The following ABCA13 variants were observed in gnomAD, a reference collection of about 807,000 sequenced individuals.
ABCA13 encodes ATP-binding cassette sub-family A member 13.
ABCA13 carries 476 observed loss-of-function variants against 478.7 expected under a neutral mutation model. The observed-to-expected ratio is 0.99, with a 90% CI of 0.92 to 1.07. The LOEUF is 1.07. Ranked by LOEUF, ABCA13 falls within the 50% of genes least tolerant of loss-of-function variation. The pLI is 0.00. For missense variants in ABCA13, 6,060 were observed against 5,910.6 expected (o/e 1.03, Z -0.83); for synonymous variants, 2,252 against 2,158.9 (o/e 1.04, Z -1.20).
intron 3 of ABCA13, among the ~76,000 whole-genome samples, chr7:48,212,658 G>A (rs979210984): frequency 1.3e-5 from 2 of 152,062 alleles, no homozygotes; most frequent in African/African-American, 4.8e-5. Flanking sequence ...TCTAATTGTA[G>A]TTTTAATTTA....
intron 15 of ABCA13, among the ~76,000 whole-genome samples, chr7:48,257,246 A>T (rs932986238): frequency 1.3e-5 from 2 of 152,140 alleles, no homozygotes; most frequent in Non-Finnish European, 2.9e-5. Flanking sequence ...GGATAAAACT[A>T]TCCCTGTTTG....
intron 60 of ABCA13, among the ~76,000 whole-genome samples, chr7:48,644,131 A>G (rs770645294): frequency 2.6e-5 from 4 of 152,320 alleles, no homozygotes; most frequent in African/African-American, 4.8e-5. Context: ...TTCATGCTCA[A>G]TTATGACTCT....
chr7:48,517,449 A>G (rs573161700), intron 52 of ABCA13, among the ~76,000 whole-genome samples: 2 of 152,176 alleles, frequency 1.3e-5, no homozygotes, highest in Non-Finnish European at 2.9e-5. Flanking sequence ...GTGGTCAGGA[A>G]GAACTTCTCC....
At chr7:48,341,994 G>T (rs915275180) in intron 29 of ABCA13, among the ~76,000 whole-genome samples, 1 of 148,242 alleles carries the variant, frequency 6.7e-6, no homozygotes, top group Non-Finnish European at 1.5e-5. Flanking sequence ...TACCTTAACT[G>T]CATCTCACTA....
At chr7:48,290,898 G>A (rs968285023) in intron 20 of ABCA13, among the ~76,000 whole-genome samples, 1 of 139,202 alleles carries the variant, frequency 7.2e-6, no homozygotes, top group Admixed American at 7.6e-5. Flanking sequence ...GAAATGCCTG[G>A]GTGAGAGAAT....
intron 23 of ABCA13, among the ~76,000 whole-genome samples, chr7:48,307,787 T>G (rs1308725782): frequency 1.3e-5 from 2 of 152,086 alleles, no homozygotes; most frequent in Non-Finnish European, 2.9e-5. Context: ...TTCAAGCAAT[T>G]CCCCTGCCTC....
At position 48,261,465 on chromosome 7, in the gene ABCA13, G is replaced by C. The variant is rs145862551; in HGVS notation, c.2006-7515G>C. On this transcript the variant is annotated intron_variant, in intron 15 of 61. Coordinates refer to ENST00000435803, the MANE Select transcript of ABCA13 (RefSeq NM_152701.5). ...TACTTCTTTGGTAATTTCAAACCCT[G>C]CCTTGTTTTTTTCTTTCTAGAACTC... is the stretch of plus-strand genomic sequence containing the variant. Among the ~76,000 whole-genome samples, 275 of 151,810 alleles carry C rather than the reference G, an allele frequency of 1.8e-3. 3 individuals are homozygous for C. Among genetic ancestry groups the C allele is most frequent in the Admixed American group, 8.9e-3 (136 of 15,216 alleles).
intron 1 of ABCA13, among the ~76,000 whole-genome samples, chr7:48,187,011 G>A (rs894514866): frequency 1.3e-4 from 18 of 140,298 alleles, no homozygotes; most frequent in African/African-American, 4.4e-4. Flanking sequence ...ATATATATAT[G>A]TGTGTGTGTA....
rs180867076 is a variant in ABCA13, at chr7:48,590,345, G to A, written c.14640+3057G>A. 1.9e-3 allele frequency among the ~76,000 whole-genome samples: 281 copies of A among 151,658 alleles called. 1 individual carries two copies. Among genetic ancestry groups the A allele is most frequent in the African/African-American group, 6.4e-3 (265 of 41,420 alleles). ...AAGGAAACAGGGAGAGAGAGAGAAA[G>A]AGAGAGAGAGAGACATACACATTTT... is the stretch of plus-strand genomic sequence containing the variant. On this transcript the variant is annotated intron_variant, in intron 57 of 61. Coordinates refer to ENST00000435803, the MANE Select transcript of ABCA13 (RefSeq NM_152701.5).
intron 42 of ABCA13, among the ~76,000 whole-genome samples, chr7:48,432,255 GA>G (rs778688014): frequency 2.0e-5 from 3 of 151,984 alleles, no homozygotes; most frequent in Non-Finnish European, 4.4e-5. Flanking sequence ...AAATGCAAAT[GA>G]AAACCACAAT....
chr7:48,313,000 A>T (rs1584786597), intron 24 of ABCA13, 67 bp from the exon 25 acceptor site: 2 of 1,427,570 alleles, frequency 1.4e-6, no homozygotes, highest in East Asian at 4.7e-5. Flanking sequence ...AGCTCAAAAG[A>T]TGCTTCTGAG....
At chr7:48,399,673 G>T (rs1189137055) in intron 38 of ABCA13, among the ~76,000 whole-genome samples, 1 of 152,172 alleles carries the variant, frequency 6.6e-6, no homozygotes, top group African/African-American at 2.4e-5. Flanking sequence ...AATGATAAGA[G>T]TAGAGCTGAA....
chr7:48,455,124 G>A lies in ABCA13; in HGVS notation c.12653G>A (p.Arg4218His). ...VAAILARRLR[R>H]TLRAGKSTLA... ...GCGATCCTGGCCCGGAGGCTCCGCC[G>A]CACGCTGCGCGCCGGGAAGAGCACC... Residue 4218 changes from arginine to histidine, a missense_variant, in exon 43 of 62, where the codon CGC becomes CAC. Around this residue, in one of 3 missense-constraint regions of ABCA13, gnomAD observed 1,627 missense variants for 1,571.0 expected, o/e 1.04. Transcript: ENST00000435803. 6.4e-7 allele frequency: 1 copy of A among 1,563,676 alleles called. No homozygotes were observed.
In ABCA13 at chr7:48,646,077, T is replaced by C. The variant is rs1795418045; in HGVS notation, c.*565T>C. On this transcript the variant is annotated 3_prime_UTR_variant, in exon 62 of 62. Coordinates refer to ENST00000435803, the MANE Select transcript of ABCA13 (RefSeq NM_152701.5). ...ATGATATGAAAAAATCACCAATTTT[T>C]TACATATAAAAGATACCTTTTTAAA... The C allele has an allele frequency of 6.6e-6, 1 of 152,224 alleles. No homozygotes were observed. The highest frequency in any genetic ancestry group is 2.4e-5 in the African/African-American group (1 of 41,430). 9.4% of individuals were successfully genotyped at this position (152,224 alleles called of 1,614,324 possible).
At chr7:48,173,521 T>C (rs1277379953) in intron 1 of ABCA13, among the ~76,000 whole-genome samples, 5 of 152,214 alleles carry the variant, frequency 3.3e-5, no homozygotes, top group Non-Finnish European at 5.9e-5. Flanking sequence ...TATAGTCTGT[T>C]CACAGAAAAG....
intron 3 of ABCA13, among the ~76,000 whole-genome samples, chr7:48,214,758 C>T (rs947063626): frequency 5.1e-4 from 77 of 152,182 alleles, no homozygotes; most frequent in African/African-American, 1.8e-3. Context: ...GAATTAGGAC[C>T]TTTCTCTGGA....
intron 31 of ABCA13, among the ~76,000 whole-genome samples, chr7:48,363,135 A>G (rs1402951698): frequency 6.6e-6 from 1 of 152,134 alleles, no homozygotes; most frequent in East Asian, 1.9e-4. Context: ...GAAGTTTGCC[A>G]TCTAGTAATT....
intron 15 of ABCA13, among the ~76,000 whole-genome samples, chr7:48,251,819 G>A (rs1267842968): frequency 1.3e-5 from 2 of 151,538 alleles, no homozygotes; most frequent in African/African-American, 4.8e-5. Flanking sequence ...CCTCTATGCC[G>A]AGCTCTAGGT....
chr7:48,431,960 G>T (rs965468926), intron 42 of ABCA13, among the ~76,000 whole-genome samples: 3 of 152,126 alleles, frequency 2.0e-5, no homozygotes, highest in Non-Finnish European at 4.4e-5. Context: ...GCTTCCTAGA[G>T]GTCCTCTGGT....
Sources: gnomAD v4.1 joint callset for allele counts (sites outside exome capture counted in the v4.1 genomes callset) on GRCh38, gnomAD v4.1.1 for gene constraint, gnomAD v4.1.1 regional missense constraint, MANE v1.5 for transcripts, NCBI Gene and HGNC (gene_info 2026-07-23, HGNC 2026-07-21) for gene names.